Variants in GPC5 observed in about 807,000 individuals in gnomAD.
GPC5 encodes the protein glypican-5.
In GPC5, 47 loss-of-function variants were observed where a neutral mutation model predicts 53.9. That is an observed-to-expected ratio of 0.87 (90% CI 0.69 to 1.11). The LOEUF (loss-of-function observed/expected upper bound fraction) is 1.11, where lower values mean the gene tolerates loss of function less well. GPC5 is among the 50% of genes most tolerant of loss of function. The pLI is 0.00. For missense variants in GPC5, 748 were observed against 713.1 expected (o/e 1.05, Z -0.56); for synonymous variants, 286 against 263.3 (o/e 1.09, Z -0.84).
intron 7 of GPC5, among the ~76,000 whole-genome samples, chr13:92,425,965 T>G (rs1237587264): frequency 6.6e-6 from 1 of 152,102 alleles, no homozygotes; most frequent in Non-Finnish European, 1.5e-5. Context: ...TGTTAATAGC[T>G]CTCTAACATT....
Position 92,719,167 on chromosome 13 carries a change from G to GCCCCC in GPC5, c.1562-147110_1562-147106dup, listed in dbSNP as rs34229037. The stretch of plus-strand genomic sequence containing the variant: ...TTGAAATACATAGATGATTCCTATA[G>GCCCCC]CCCCCCCCCACATAATGATTTTGTA... On this transcript the variant is annotated intron_variant, in intron 7 of 7. Coordinates refer to ENST00000377067, the MANE Select transcript of GPC5 (RefSeq NM_004466.6). 9.5e-5 allele frequency among the ~76,000 whole-genome samples: 14 copies of GCCCCC among 147,494 alleles called. No individual in the cohort carries two copies. In the East Asian group the frequency reaches 2.7e-3, roughly 28 times the overall value.
chr13:91,682,850 T>C (rs2035539108), intron 2 of GPC5, among the ~76,000 whole-genome samples: 1 of 152,216 alleles, frequency 6.6e-6, no homozygotes, highest in Non-Finnish European at 1.5e-5. Context: ...AGAGGTTAAA[T>C]AGCTCACATA....
intron 7 of GPC5, among the ~76,000 whole-genome samples, chr13:92,301,627 C>T (rs767392496): frequency 2.0e-5 from 3 of 152,010 alleles, no homozygotes; most frequent in Non-Finnish European, 4.4e-5. Context: ...TGGCTTATAC[C>T]TGTAATCCCA....
intron 6 of GPC5, among the ~76,000 whole-genome samples, chr13:92,111,847 C>T (rs988505265): frequency 6.6e-6 from 1 of 152,098 alleles, no homozygotes; most frequent in South Asian, 2.1e-4. Context: ...CCAAGAATAC[C>T]TTTGTCATTA....
chr13:91,414,736 TC>T (rs1334817545), intron 1 of GPC5, among the ~76,000 whole-genome samples: 1 of 152,176 alleles, frequency 6.6e-6, no homozygotes, highest in Non-Finnish European at 1.5e-5. Flanking sequence ...CTATAACGCT[TC>T]CACCAAAAGG....
intron 7 of GPC5, among the ~76,000 whole-genome samples, chr13:92,706,702 C>T (rs577109143): frequency 3.3e-5 from 5 of 152,200 alleles, no homozygotes; most frequent in Admixed American, 6.5e-5. Flanking sequence ...TAATATTTTC[C>T]GCTAACTAAC....
At chr13:91,784,619 G>A (rs1210175705) in intron 5 of GPC5, among the ~76,000 whole-genome samples, 5 of 151,920 alleles carry the variant, frequency 3.3e-5, no homozygotes, top group Admixed American at 2.0e-4. Flanking sequence ...AGCTACTTGG[G>A]AGGCTGAGGC....
At chr13:91,583,429 G>T (rs773884904) in intron 2 of GPC5, among the ~76,000 whole-genome samples, 2 of 151,994 alleles carry the variant, frequency 1.3e-5, no homozygotes, top group Non-Finnish European at 2.9e-5. Context: ...TATATGCCAA[G>T]ACCGAAATAT....
chr13:91,566,926 C>A (rs1249765859), intron 2 of GPC5, among the ~76,000 whole-genome samples: 4 of 121,914 alleles, frequency 3.3e-5, no homozygotes, highest in Non-Finnish European at 3.3e-5. Context: ...ATTTTTCTTC[C>A]AATTCTTTTT....
intron 6 of GPC5, among the ~76,000 whole-genome samples, chr13:92,056,068 A>C (rs2041071804): frequency 6.6e-6 from 1 of 152,116 alleles, no homozygotes; most frequent in Admixed American, 6.6e-5. Flanking sequence ...TCCCATACCC[A>C]ACTACTATAA....
At position 92,363,942 on chromosome 13, in the gene GPC5, A is replaced by G. The variant is rs1485847338; in HGVS notation, c.1561+218953A>G. On this transcript the variant is annotated intron_variant, in intron 7 of 7. Coordinates refer to ENST00000377067, the MANE Select transcript of GPC5 (RefSeq NM_004466.6). The stretch of plus-strand genomic sequence containing the variant: ...AGACAAGAATGCCGAAACAGTGATT[A>G]TAATTATTCCTCACATGTTTGAGAG... Among the ~76,000 whole-genome samples the G allele has an allele frequency of 1.3e-5, 2 of 151,818 alleles. 1 individual carries two copies. The highest frequency in any genetic ancestry group is 4.9e-5 in the African/African-American group (2 of 41,064).
intron 7 of GPC5, among the ~76,000 whole-genome samples, chr13:92,749,991 G>C (rs1889340137): frequency 1.3e-5 from 2 of 152,280 alleles, no homozygotes; most frequent in South Asian, 2.1e-4. Flanking sequence ...GAGCTATGCA[G>C]CTTGATAACT....
chr13:92,099,556 C>G (rs1418230815), intron 6 of GPC5, among the ~76,000 whole-genome samples: 1 of 152,186 alleles, frequency 6.6e-6, no homozygotes, highest in Non-Finnish European at 1.5e-5. Flanking sequence ...TTTGTGCCCT[C>G]TTGTTTTCTT....
At chr13:92,676,904 T>C (rs1328932839) in intron 7 of GPC5, among the ~76,000 whole-genome samples, 1 of 148,044 alleles carries the variant, frequency 6.8e-6, no homozygotes, top group African/African-American at 2.4e-5. Flanking sequence ...AGGAGGATCA[T>C]GGGGTTAAAA....
At chr13:91,859,537 T>C (rs2039003530) in intron 5 of GPC5, among the ~76,000 whole-genome samples, 1 of 151,956 alleles carries the variant, frequency 6.6e-6, no homozygotes, top group South Asian at 2.1e-4. Flanking sequence ...ATTTGTCTCT[T>C]TTAAGAACTT....
chr13:92,719,371 A>T (rs999627226), intron 7 of GPC5, among the ~76,000 whole-genome samples: 3 of 152,176 alleles, frequency 2.0e-5, no homozygotes, highest in African/African-American at 7.2e-5. Context: ...AAAATTTTTT[A>T]AAGTAATATT....
chr13:92,358,348 CT>C (rs36062545), intron 7 of GPC5, among the ~76,000 whole-genome samples: 73,576 of 151,360 alleles, frequency 0.49, 20,284 homozygotes, highest in African/African-American at 0.75. Flanking sequence ...CCTGTGGCTG[CT>C]TTTTACAGGC....
intron 6 of GPC5, among the ~76,000 whole-genome samples, chr13:91,950,100 G>C (rs2040012569): frequency 6.6e-6 from 1 of 152,014 alleles, no homozygotes; most frequent in African/African-American, 2.4e-5. Context: ...GGTCATGGCA[G>C]GTACAGAGTT....
At chr13:92,529,222 A>C (rs1881467982) in intron 7 of GPC5, among the ~76,000 whole-genome samples, 1 of 152,140 alleles carries the variant, frequency 6.6e-6, no homozygotes, top group South Asian at 2.1e-4. Flanking sequence ...ATATTTTAAA[A>C]TTCTCAGTGC....
Sources: allele counts gnomAD v4.1 joint callset (sites outside exome capture counted in the v4.1 genomes callset), GRCh38; gene constraint gnomAD v4.1.1; transcripts MANE v1.5; gene names NCBI Gene and HGNC (gene_info 2026-07-23, HGNC 2026-07-21).